LNX1: variants seen among roughly 807,000 people sequenced by gnomAD.
LNX1 encodes the protein E3 ubiquitin-protein ligase LNX.
LNX1 carries 54 observed loss-of-function variants against 68.4 expected under a neutral mutation model. The observed-to-expected ratio is 0.79, with a 90% CI of 0.63 to 0.99. LNX1 has a LOEUF of 0.99. LNX1 is among the 50% of genes least tolerant of loss of function. The pLI is 0.00. For missense variants in LNX1, 906 were observed against 926.4 expected (o/e 0.98, Z 0.29); for synonymous variants, 336 against 350.0 (o/e 0.96, Z 0.45).
At chr4:53,504,134 G>A (rs548288573) in intron 4 of LNX1, among the ~76,000 whole-genome samples, 1 of 151,952 alleles carries the variant, frequency 6.6e-6, no homozygotes, top group African/African-American at 2.4e-5. Flanking sequence ...GCGAGACTCC[G>A]TCTCAAAAAA....
intron 9 of LNX1, among the ~76,000 whole-genome samples, chr4:53,465,910 CTTT>C (rs1344292743): frequency 4.6e-5 from 7 of 152,274 alleles, no homozygotes; most frequent in African/African-American, 1.7e-4. Flanking sequence ...TAAAATGCTA[CTTT>C]ATTATAGGAA....
chr4:53,598,681 A>G (rs1732863864), intron 2 of LNX1, among the ~76,000 whole-genome samples: 1 of 152,202 alleles, frequency 6.6e-6, no homozygotes, highest in South Asian at 2.1e-4. Context: ...AGATGAATGT[A>G]AGTCAAGGGA....
intron 1 of LNX1, among the ~76,000 whole-genome samples, chr4:53,578,919 TA>T (rs1490044640): frequency 4.0e-5 from 6 of 151,096 alleles, no homozygotes; most frequent in African/African-American, 1.2e-4. Context: ...CAGGTAGACT[TA>T]AAAAATATGA....
chr4:53,601,483 C>G (rs1733013414), intron 2 of LNX1, among the ~76,000 whole-genome samples: 1 of 152,192 alleles, frequency 6.6e-6, no homozygotes, highest in East Asian at 1.9e-4. Context: ...GATGGCCAGT[C>G]CTTCTAAGTG....
intron 2 of LNX1, among the ~76,000 whole-genome samples, chr4:53,567,080 G>T (rs1160451601): frequency 4.8e-5 from 7 of 146,238 alleles, no homozygotes; most frequent in Non-Finnish European, 9.1e-5. Context: ...ACATTAGACA[G>T]ATCAACGAGA....
At chr4:53,557,819 A>C in intron 2 of LNX1, 3 of 1,605,924 alleles carry the variant, frequency 1.9e-6, no homozygotes, top group Non-Finnish European at 1.7e-6. Flanking sequence ...CTCGGGTCCC[A>C]CCCCCAACAT....
At chr4:53,592,340 A>C (rs539441790), upstream of LNX1, among the ~76,000 whole-genome samples, 2 of 152,138 alleles carry the variant, frequency 1.3e-5, no homozygotes, top group African/African-American at 4.8e-5. Flanking sequence ...TGGACAAGTC[A>C]CTGGTTGCTT....
intron 2 of LNX1, among the ~76,000 whole-genome samples, chr4:53,600,279 C>T (rs1300181052): frequency 6.6e-6 from 1 of 152,016 alleles, no homozygotes; most frequent in African/African-American, 2.4e-5. Flanking sequence ...TAACTAGTAA[C>T]ATAAAGTGAC....
At chr4:53,496,739 A>G in intron 5 of LNX1, 1 of 223,282 alleles carries the variant, frequency 4.5e-6, no homozygotes, top group Non-Finnish European at 8.8e-6. Flanking sequence ...GGAAAAGGCA[A>G]AAGAAAAGCA....
At chr4:53,562,042 C>T (rs1730329672) in intron 2 of LNX1, among the ~76,000 whole-genome samples, 1 of 152,180 alleles carries the variant, frequency 6.6e-6, no homozygotes, top group South Asian at 2.1e-4. Flanking sequence ...TCCTTAGAGG[C>T]AGAAATCACA....
chr4:53,525,866 C>T (rs1276238486), intron 2 of LNX1, among the ~76,000 whole-genome samples: 1 of 152,106 alleles, frequency 6.6e-6, no homozygotes, highest in Non-Finnish European at 1.5e-5. Flanking sequence ...CTAGGCTGGG[C>T]TGGTTAAGAT....
At chr4:53,597,409 C>A (rs1247839490) in intron 2 of LNX1, among the ~76,000 whole-genome samples, 2 of 152,190 alleles carry the variant, frequency 1.3e-5, no homozygotes, top group Non-Finnish European at 2.9e-5. Flanking sequence ...CACCTGCCAG[C>A]CCCCATGCCA....
intron 2 of LNX1, among the ~76,000 whole-genome samples, chr4:53,560,853 A>T (rs1327556883): frequency 2.0e-5 from 3 of 152,230 alleles, no homozygotes; most frequent in Non-Finnish European, 4.4e-5. Context: ...ATTTTCCATT[A>T]CCTGCCATCT....
chr4:53,619,836 C>T (rs547906980), upstream of LNX1, among the ~76,000 whole-genome samples: 202 of 152,284 alleles, frequency 1.3e-3, 1 homozygote, highest in African/African-American at 4.6e-3. Context: ...AGCAGCAATG[C>T]ATGAAGTTTC....
intron 2 of LNX1, chr4:53,557,998 A>G: frequency 3.1e-6 from 5 of 1,612,220 alleles, no homozygotes; most frequent in South Asian, 1.1e-5. Flanking sequence ...CTCCCTGGCC[A>G]CCTTCTGTCA....
chr4:53,579,505 A>T (rs373390915), intron 1 of LNX1, among the ~76,000 whole-genome samples: 11 of 152,262 alleles, frequency 7.2e-5, no homozygotes, highest in African/African-American at 2.6e-4. Context: ...ACCTGTATAG[A>T]AGCTTCTCTG....
chr4:53,636,420 A>G (rs1734481493), intron 1 of LNX1, among the ~76,000 whole-genome samples: 1 of 152,070 alleles, frequency 6.6e-6, no homozygotes, highest in African/African-American at 2.4e-5. Flanking sequence ...ACTGTGAGGC[A>G]TCTTTGGGAC....
At chr4:53,584,070 T>C (rs1732003878) in intron 1 of LNX1, among the ~76,000 whole-genome samples, 1 of 152,186 alleles carries the variant, frequency 6.6e-6, no homozygotes, top group Non-Finnish European at 1.5e-5. Flanking sequence ...CAGAGGGGTA[T>C]GGAAAAGAAG....
chr4:53,644,876 G>A lies in LNX1; in HGVS notation c.-215+7292C>T, dbSNP rs1560705801. Among the ~76,000 whole-genome samples the A allele has an allele frequency of 2.0e-5, 3 of 152,152 alleles. 1 individual carries two copies. Among genetic ancestry groups the A allele is most frequent in the African/African-American group, 7.2e-5 (3 of 41,426 alleles). On this transcript the variant is annotated intron_variant, in intron 1 of 2. Transcript: ENST00000507168. ...AGAGTAAGGGAGAGATGTGGTAACA[G>A]GGAGGAGGAAGTCTGGGTAAGGATT...
Sources: gnomAD v4.1 joint callset for allele counts (sites outside exome capture counted in the v4.1 genomes callset) on GRCh38, gnomAD v4.1.1 for gene constraint, MANE v1.5 for transcripts, NCBI Gene and HGNC (gene_info 2026-07-23, HGNC 2026-07-21) for gene names.